The following SOBP variants were observed in gnomAD, a reference collection of about 807,000 sequenced individuals.
SOBP encodes the protein sine oculis-binding protein homolog.
In SOBP, 4 loss-of-function variants were observed where a neutral mutation model predicts 53.6. The ratio of observed to expected loss-of-function variants is 0.07; its 90% confidence interval spans 0.04 to 0.17. The LOEUF is 0.17. SOBP is among the 10% of genes least tolerant of loss of function. The probability of loss-of-function intolerance (pLI) is 1.00; values close to 1 mark genes in which losing one functional copy is unlikely to be tolerated. For missense variants in SOBP, 1,088 were observed against 1,204.7 expected (o/e 0.90, Z 1.43); for synonymous variants, 584 against 522.6 (o/e 1.12, Z -1.60).
Position 107,633,718 on chromosome 6 carries a change from G to C in SOBP, c.874G>C (p.Val292Leu), listed in dbSNP as rs374363549. ...GGAAAATAAAGCAGAAGGCACCGGGGTGCAGCTGCTCACTCCAGACTCTTG... is the reference window on the plus strand; with the variant it reads ...GGAAAATAAAGCAGAAGGCACCGGGCTGCAGCTGCTCACTCCAGACTCTTG... ...PMENKAEGTG[V>L]QLLTPDSWNI... Residue 292 changes from valine (V) to leucine (L), a missense_variant, in exon 6 of 7, where the codon GTG (valine) becomes CTG (leucine). This residue lies in a region of SOBP where 211 missense variants were observed against 258.9 expected (regional missense o/e 0.82). Coordinates refer to ENST00000317357, the MANE Select transcript of SOBP (RefSeq NM_018013.4). The C allele has an allele frequency of 6.2e-7, 1 of 1,614,232 alleles. No homozygotes were observed. The highest frequency in any genetic ancestry group is 1.1e-5 in the South Asian group (1 of 91,092).
At position 107,655,205 on chromosome 6, in the gene SOBP, A is replaced by C. The variant is rs927331036; in HGVS notation, c.*4-3002A>C. Among the ~76,000 whole-genome samples, 2 of 152,092 alleles carry C rather than the reference A, an allele frequency of 1.3e-5. 1 individual carries two copies. The highest frequency in any genetic ancestry group is 4.1e-4 in the South Asian group (2 of 4,830). ...GACTCTGGAACTTCCTGCCATGATCACTTTCTAAAAATCCAAACTTATTTC... is the reference window on the plus strand; with the variant it reads ...GACTCTGGAACTTCCTGCCATGATCCCTTTCTAAAAATCCAAACTTATTTC... On this transcript the variant is annotated intron_variant, in intron 6 of 6. Coordinates refer to ENST00000317357, the MANE Select transcript of SOBP (RefSeq NM_018013.4).
At chr6:107,507,541 G>A (rs531868896) in intron 3 of SOBP, among the ~76,000 whole-genome samples, 1 of 152,136 alleles carries the variant, frequency 6.6e-6, no homozygotes, top group African/African-American at 2.4e-5. Flanking sequence ...CCTGACCTCA[G>A]GTGATCCACC....
intron 2 of SOBP, among the ~76,000 whole-genome samples, chr6:107,505,650 T>G (rs1188265166): frequency 2.0e-5 from 3 of 151,572 alleles, no homozygotes; most frequent in African/African-American, 7.3e-5. Context: ...TGTTTTGTTT[T>G]GTGTTGTTTT....
At chr6:107,583,721 T>A (rs1205480430) in intron 4 of SOBP, among the ~76,000 whole-genome samples, 1 of 152,102 alleles carries the variant, frequency 6.6e-6, no homozygotes, top group Non-Finnish European at 1.5e-5. Context: ...TTGGTAGAGA[T>A]GGGGTCTCCC....
intron 6 of SOBP, among the ~76,000 whole-genome samples, chr6:107,643,474 T>G (rs1318850854): frequency 6.6e-6 from 1 of 152,160 alleles, no homozygotes; most frequent in Non-Finnish European, 1.5e-5. Context: ...TGGAGTGCAG[T>G]GACGCGATCT....
At chr6:107,602,550 A>C (rs1017625513) in intron 5 of SOBP, among the ~76,000 whole-genome samples, 11 of 147,488 alleles carry the variant, frequency 7.5e-5, no homozygotes, top group Non-Finnish European at 1.5e-4. Flanking sequence ...AAGCCTCTGC[A>C]TAGCAACTAA....
At chr6:107,597,257 G>A (rs1785979190) in intron 5 of SOBP, among the ~76,000 whole-genome samples, 2 of 152,136 alleles carry the variant, frequency 1.3e-5, no homozygotes, top group Non-Finnish European at 2.9e-5. Flanking sequence ...TCATTAGATA[G>A]CTATTTCAAT....
chr6:107,605,400 G>C (rs1052661199), intron 5 of SOBP, among the ~76,000 whole-genome samples: 1 of 152,196 alleles, frequency 6.6e-6, no homozygotes, highest in African/African-American at 2.4e-5. Flanking sequence ...AGAGATTATG[G>C]CTTCTAATTA....
rs1194524302 is a variant in SOBP, at chr6:107,634,305, T to G, written c.1461T>G (p.Ser487Arg). The change falls in exon 6 of 7, where the codon AGT becomes AGG. Residue 487 changes from serine (S) to arginine (R), a missense_variant. Around this residue, in one of 6 missense-constraint regions of SOBP, gnomAD observed 665 missense variants for 629.7 expected, o/e 1.06. Transcript: ENST00000317357. The surrounding 1 kb of genome is among the most constrained non-coding windows in gnomAD (Gnocchi z 4.5). ...PPPPPGAPLP[S>R]LPFPPVSMMP... ...CGCCTCCGGGCGCCCCGCTGCCGAG[T>G]CTTCCCTTCCCGCCAGTGAGCATGA... is the stretch of plus-strand genomic sequence containing the variant. 1 of 1,564,658 alleles carries G rather than the reference T, an allele frequency of 6.4e-7. No homozygotes were observed. The highest frequency in any genetic ancestry group is 1.4e-5 in the African/African-American group (1 of 71,296).
intron 3 of SOBP, among the ~76,000 whole-genome samples, chr6:107,520,073 C>T (rs1422729876): frequency 6.6e-6 from 1 of 152,168 alleles, no homozygotes; most frequent in Non-Finnish European, 1.5e-5. Flanking sequence ...GCACCAGATT[C>T]TCAGTGGCAC....
At chr6:107,503,865 T>A in intron 2 of SOBP, 70 bp downstream of exon 2, 5 of 1,568,326 alleles carry the variant, frequency 3.2e-6, no homozygotes, top group Non-Finnish European at 4.4e-6. Context: ...AGAATTGAGT[T>A]GCTTTGGGAC....
chr6:107,545,836 A>G, intron 4 of SOBP, among the ~76,000 whole-genome samples: 1 of 152,096 alleles, frequency 6.6e-6, no homozygotes, highest in East Asian at 1.9e-4. Flanking sequence ...CTGATTTTAA[A>G]ACTGTGCTGA....
chr6:107,616,150 C>T (rs1786786792), intron 5 of SOBP, among the ~76,000 whole-genome samples: 1 of 149,454 alleles, frequency 6.7e-6, no homozygotes, highest in South Asian at 2.1e-4. Flanking sequence ...GCTTTTCTTT[C>T]CCTCTGGAGC....
chr6:107,564,095 TA>T (rs1268963521), intron 4 of SOBP, among the ~76,000 whole-genome samples: 1 of 152,126 alleles, frequency 6.6e-6, no homozygotes. Context: ...GCAAAATAGG[TA>T]TGTCTGTGTG....
intron 3 of SOBP, among the ~76,000 whole-genome samples, chr6:107,521,026 C>T (rs1198689193): frequency 2.0e-5 from 3 of 148,890 alleles, no homozygotes; most frequent in Non-Finnish European, 4.4e-5. Flanking sequence ...TAGCACCATA[C>T]CTGGCCTCTA....
At chr6:107,546,220 TA>T (rs1486338731) in intron 4 of SOBP, among the ~76,000 whole-genome samples, 1 of 152,164 alleles carries the variant, frequency 6.6e-6, no homozygotes, top group Non-Finnish European at 1.5e-5. Flanking sequence ...GGAAGCAGTG[TA>T]AGAGAAAGAT....
Position 107,623,052 on chromosome 6 carries a change from G to A in SOBP, c.670-10462G>A, listed in dbSNP as rs576237519. 2.2e-4 allele frequency among the ~76,000 whole-genome samples: 34 copies of A among 152,284 alleles called. 1 individual carries two copies. The South Asian group carries it at 3.3e-3, about 15-fold the overall frequency. ...AGCTACTTGGAATGTGGCTGGAGTG[G>A]GGAAGTGGCACTATCTTGGAATACG... On this transcript the variant is annotated intron_variant, in intron 5 of 6. Coordinates refer to ENST00000317357, the MANE Select transcript of SOBP (RefSeq NM_018013.4).
intron 6 of SOBP, among the ~76,000 whole-genome samples, chr6:107,643,335 A>G (rs899012684): frequency 3.3e-5 from 5 of 152,246 alleles, no homozygotes; most frequent in African/African-American, 4.8e-5. Context: ...TATTTGGAGC[A>G]CATGTGGTTA....
At chr6:107,573,004 G>A (rs1203453553) in intron 4 of SOBP, among the ~76,000 whole-genome samples, 3 of 152,200 alleles carry the variant, frequency 2.0e-5, no homozygotes, top group South Asian at 4.1e-4. Flanking sequence ...TGGTAAGTGT[G>A]GAAAGTTTGT....
Sources: gnomAD v4.1 joint callset for allele counts (sites outside exome capture counted in the v4.1 genomes callset) on GRCh38, gnomAD v4.1.1 for gene constraint, gnomAD v4.1.1 regional missense constraint, Gnocchi (gnomAD v3.1) non-coding constraint, MANE v1.5 for transcripts, NCBI Gene and HGNC (gene_info 2026-07-23, HGNC 2026-07-21) for gene names.